The following TANC2 variants were observed in gnomAD, a reference collection of about 807,000 sequenced individuals.
TANC2 encodes protein TANC2.
Under a neutral mutation model 210.5 loss-of-function variants are expected in TANC2, and 26 were observed. The ratio of observed to expected loss-of-function variants is 0.12; its 90% CI spans 0.09 to 0.17. The LOEUF is 0.17. TANC2 is among the 10% of genes least tolerant of loss of function. The probability of loss-of-function intolerance (pLI) is 1.00; values close to 1 mark genes in which losing one functional copy is unlikely to be tolerated. For missense variants in TANC2, 2,129 were observed against 2,608.9 expected, an observed-to-expected ratio of 0.82 and a Z score of 4.01; for synonymous variants, 931 against 967.1, an observed-to-expected ratio of 0.96 and a Z score of 0.69.
rs114352181 is a variant in TANC2, at chr17:63,236,201, G to A, written c.770-1613G>A. On this transcript the variant is annotated intron_variant, in intron 7 of 27. Transcript: ENST00000689528. ...TAGGGACCGCTGAGGCTCTCCAGCAGTCCTTGAAGATTATATAAATTCCCT... is the reference window on the plus strand; with the variant it reads ...TAGGGACCGCTGAGGCTCTCCAGCAATCCTTGAAGATTATATAAATTCCCT... Among the ~76,000 whole-genome samples, 1,286 of 152,202 alleles carry A rather than the reference G, an allele frequency of 8.4e-3. 15 individuals carry two copies. Among genetic ancestry groups the A allele is most frequent in the African/African-American group, 0.028 (1,178 of 41,574 alleles).
chr17:62,966,636 A>T lies in TANC2; in HGVS notation c.-137A>T, dbSNP rs1253986885. ...CAGACTCGCCGCGGGGCGTTGGAGG[A>T]CTGCGAGGTGCTCCGGGAATCGCGG... is the stretch of plus-strand genomic sequence containing the variant. On this transcript the variant is annotated 5_prime_UTR_variant, in exon 1 of 28. Transcript: ENST00000689528. This position sits in a 1 kb window ranked among gnomAD's most constrained non-coding sequence, Gnocchi z 5.1. Among the ~76,000 whole-genome samples, 1 of 151,530 alleles carries T rather than the reference A, an allele frequency of 6.6e-6. No individual in the cohort carries two copies. The highest frequency in any genetic ancestry group is 1.5e-5 in the Non-Finnish European group (1 of 67,826).
chr17:63,384,079 T>C (rs1351668187), intron 15 of TANC2, among the ~76,000 whole-genome samples: 1 of 151,986 alleles, frequency 6.6e-6, no homozygotes, highest in Non-Finnish European at 1.5e-5. Flanking sequence ...CTTTTTTTTT[T>C]ATATTTTTGG....
intron 4 of TANC2, among the ~76,000 whole-genome samples, chr17:63,102,699 A>G (rs1050833367): frequency 6.6e-6 from 1 of 151,394 alleles, no homozygotes; most frequent in Non-Finnish European, 1.5e-5. Flanking sequence ...CAGAGGAGGA[A>G]CAGGTAGTAG....
chr17:63,066,276 C>G (rs549262752), intron 2 of TANC2, among the ~76,000 whole-genome samples: 112 of 152,102 alleles, frequency 7.4e-4, no homozygotes, highest in African/African-American at 2.6e-3. Flanking sequence ...TAGTTAGGAG[C>G]CTGCCTATAG....
chr17:63,292,502 A>G (rs1159217175), intron 9 of TANC2, among the ~76,000 whole-genome samples: 1 of 152,208 alleles, frequency 6.6e-6, no homozygotes, highest in African/African-American at 2.4e-5. Flanking sequence ...TTAGAGCAGA[A>G]TATTTTGGGT....
intron 2 of TANC2, among the ~76,000 whole-genome samples, chr17:63,069,338 C>G (rs1400991722): frequency 6.6e-6 from 1 of 152,108 alleles, no homozygotes; most frequent in Non-Finnish European, 1.5e-5. Flanking sequence ...GCATCCCTAG[C>G]CTCTGCCCTT....
chr17:63,097,940 T>A (rs1339065096), intron 3 of TANC2, among the ~76,000 whole-genome samples: 2 of 152,212 alleles, frequency 1.3e-5, no homozygotes, highest in Non-Finnish European at 2.9e-5. Flanking sequence ...ATGTCTAATC[T>A]ACATTTACAT....
At chr17:63,002,938 A>G (rs1307167658) in intron 1 of TANC2, among the ~76,000 whole-genome samples, 1 of 152,132 alleles carries the variant, frequency 6.6e-6, no homozygotes, top group African/African-American at 2.4e-5. Context: ...AAATTGTTGT[A>G]CTAGTCTTTT....
chr17:62,967,862 A>G (rs1445778853), intron 1 of TANC2, among the ~76,000 whole-genome samples: 1 of 151,956 alleles, frequency 6.6e-6, no homozygotes, highest in African/African-American at 2.4e-5. Flanking sequence ...GTAAATTGGC[A>G]TAAAAAGCAA....
chr17:63,009,942 A>T (rs2033791804), intron 2 of TANC2, among the ~76,000 whole-genome samples: 1 of 152,162 alleles, frequency 6.6e-6, no homozygotes, highest in Non-Finnish European at 1.5e-5. Context: ...AAATGAAATT[A>T]TTGCAATCCT....
intron 2 of TANC2, among the ~76,000 whole-genome samples, chr17:63,051,759 A>G (rs2035590037): frequency 6.6e-6 from 1 of 152,266 alleles, no homozygotes; most frequent in African/African-American, 2.4e-5. Flanking sequence ...ATTACATGAA[A>G]CAGTCAACAC....
chr17:63,157,106 T>C (rs1034653247), intron 5 of TANC2, among the ~76,000 whole-genome samples: 6 of 152,136 alleles, frequency 3.9e-5, no homozygotes, highest in African/African-American at 1.4e-4. Context: ...TCGGGGACAA[T>C]TGTGTTCCTC....
At chr17:63,056,596 T>C (rs962343536) in intron 2 of TANC2, among the ~76,000 whole-genome samples, 3 of 152,078 alleles carry the variant, frequency 2.0e-5, no homozygotes, top group Admixed American at 6.6e-5. Context: ...GGAGGATCAC[T>C]TGAGCCCAGG....
At chr17:63,029,418 T>C (rs1396756478) in intron 2 of TANC2, among the ~76,000 whole-genome samples, 1 of 148,522 alleles carries the variant, frequency 6.7e-6, no homozygotes, top group East Asian at 2.0e-4. Context: ...ATAATACATA[T>C]TTGTTAAATG....
At chr17:63,271,814 TCTTAA>T (rs148401806) in intron 9 of TANC2, among the ~76,000 whole-genome samples, 22,700 of 151,944 alleles carry the variant, frequency 0.15, 1,999 homozygotes, top group Middle Eastern at 0.21. Flanking sequence ...TAATTAAATT[TCTTAA>T]CTTAAAGTTC....
intron 10 of TANC2, among the ~76,000 whole-genome samples, chr17:63,317,030 G>C (rs1340316565): frequency 1.3e-5 from 2 of 151,670 alleles, no homozygotes; most frequent in African/African-American, 2.4e-5. Flanking sequence ...AAGCTTGGAT[G>C]GGTCATTTGG....
chr17:63,079,963 A>T (rs998445552), intron 3 of TANC2, among the ~76,000 whole-genome samples: 1 of 152,124 alleles, frequency 6.6e-6, no homozygotes, highest in Non-Finnish European at 1.5e-5. Context: ...TGTAAAACTG[A>T]TTGTGTTAGT....
chr17:63,250,084 G>C (rs2043016131), intron 8 of TANC2, among the ~76,000 whole-genome samples: 2 of 150,820 alleles, frequency 1.3e-5, no homozygotes, highest in African/African-American at 4.9e-5. Flanking sequence ...CTAAAAAAAA[G>C]CTGTTCTTTT....
At chr17:63,012,996 A>G (rs1357391909) in intron 2 of TANC2, among the ~76,000 whole-genome samples, 4 of 152,046 alleles carry the variant, frequency 2.6e-5, no homozygotes, top group African/African-American at 9.7e-5. Context: ...GGAGTCATCT[A>G]TGACAAACTT....
Sources: allele counts gnomAD v4.1 joint callset (sites outside exome capture counted in the v4.1 genomes callset), GRCh38; gene constraint gnomAD v4.1.1; non-coding constraint Gnocchi (gnomAD v3.1); transcripts MANE v1.5; gene names NCBI Gene and HGNC (gene_info 2026-07-23, HGNC 2026-07-21).